TMIGD2: variants seen among roughly 807,000 people sequenced by gnomAD.
TMIGD2 encodes the protein transmembrane and immunoglobulin domain containing 2.
A neutral mutation model predicts 22.6 loss-of-function variants in TMIGD2; 18 were observed. The ratio of observed to expected loss-of-function variants is 0.80; its 90% CI spans 0.55 to 1.18. TMIGD2 has a LOEUF of 1.18. Among genes scored for constraint, TMIGD2 ranks in the 50% most tolerant of loss-of-function variants. The pLI is 0.00. For missense variants in TMIGD2, 361 were observed against 378.2 expected, an observed-to-expected ratio of 0.95 and a Z score of 0.38; for synonymous variants, 184 against 154.1, an observed-to-expected ratio of 1.19 and a Z score of -1.44.
intron 2 of TMIGD2, among the ~76,000 whole-genome samples, chr19:4,295,747 G>A (rs573668032): frequency 6.6e-6 from 1 of 152,068 alleles, no homozygotes; most frequent in African/African-American, 2.4e-5. Context: ...TTTATAGACG[G>A]GGAAACCGAG....
At position 4,293,057 on chromosome 19, in the gene TMIGD2, G is replaced by A. The variant is rs1323613625; in HGVS notation, c.563-172C>T. On this transcript the variant is annotated intron_variant, in intron 4 of 4. Transcript: ENST00000301272. ...CGGCTCACTGCAAGCTTCGCCTCCT[G>A]GGTTCACGCCATTCTCCTGCCTCAG... 5.9e-5 allele frequency among the ~76,000 whole-genome samples: 9 copies of A among 151,738 alleles called. 1 individual carries two copies. The highest frequency in any genetic ancestry group is 3.4e-3 in the Middle Eastern group (1 of 290).
chr19:4,293,556 G>C (rs1282169159), intron 4 of TMIGD2, among the ~76,000 whole-genome samples: 1 of 142,812 alleles, frequency 7.0e-6, no homozygotes, highest in Non-Finnish European at 1.5e-5. Context: ...CACTGCACCC[G>C]GCCAATTTTT....
chr19:4,300,514 G>A (rs1282842689), intron 1 of TMIGD2, among the ~76,000 whole-genome samples: 4 of 152,088 alleles, frequency 2.6e-5, no homozygotes, highest in Admixed American at 1.3e-4. Flanking sequence ...CTGAGATCGC[G>A]CCACTGCACT....
intron 4 of TMIGD2, among the ~76,000 whole-genome samples, chr19:4,293,797 T>C (rs987253335): frequency 2.6e-5 from 4 of 151,742 alleles, no homozygotes; most frequent in African/African-American, 7.3e-5. Flanking sequence ...AGTCTGGCTG[T>C]GTCGCCCAGG....
exon 2 of TMIGD2, chr19:4,298,034 C>T: frequency 6.2e-7 from 1 of 1,612,428 alleles, no homozygotes; most frequent in Non-Finnish European, 8.5e-7. Context: ...TCCTCCAACT[C>T]AGGAATCTCT....
rs747542004 is a variant in TMIGD2, at chr19:4,302,333, TACTC to T, written c.46+3_46+6del. On this transcript the variant is annotated splice_donor_5th_base_variant and intron_variant, in intron 1 of 4. Coordinates refer to ENST00000301272, the Ensembl canonical transcript of TMIGD2. ...GGTTCAGAGGGGAGGGAGGCCCAGATACTCACCCCAGATCTGCACCAGGAGGCCC... is the reference window on the plus strand; with the variant it reads ...GGTTCAGAGGGGAGGGAGGCCCAGATACCCCAGATCTGCACCAGGAGGCCC... 24 of 1,571,504 alleles carry T rather than the reference TACTC, an allele frequency of 1.5e-5. No individual in the cohort carries two copies. The highest frequency in any genetic ancestry group is 2.3e-5 in the South Asian group (2 of 85,614).
At chr19:4,299,755 G>A (rs560247964) in intron 1 of TMIGD2, among the ~76,000 whole-genome samples, 15 of 151,836 alleles carry the variant, frequency 9.9e-5, no homozygotes, top group Non-Finnish European at 1.9e-4. Flanking sequence ...GTGTGGTGGC[G>A]GGCTCCTGGA....
At chr19:4,292,986 C>T (rs1291524083) in intron 4 of TMIGD2, 101 bp from the exon 5 acceptor site, 96 of 1,529,228 alleles carry the variant, frequency 6.3e-5, no homozygotes, top group Middle Eastern at 3.4e-4. Flanking sequence ...TTCTGTGAGA[C>T]GGAGTCTCAC....
rs531926042 is a variant in TMIGD2 at position 4,297,363 on chromosome 19, C to A, written c.406+623G>T. 1.7e-4 allele frequency among the ~76,000 whole-genome samples: 26 copies of A among 151,362 alleles called. No individual in the cohort carries two copies. In the East Asian group the frequency reaches 4.9e-3, roughly 29 times the overall value. On this transcript the variant is annotated intron_variant, in intron 2 of 4. Coordinates refer to ENST00000301272, the Ensembl canonical transcript of TMIGD2. ...GGATTACAGGGATGAGCTACCGCGC[C>A]CAGCTGATGGCTTTATTTTATTTAG...
At chr19:4,292,977 T>TC in intron 4 of TMIGD2, 92 bp from the exon 5 acceptor site, 1 of 1,459,614 alleles carries the variant, frequency 6.9e-7, no homozygotes, top group Non-Finnish European at 9.2e-7. Context: ...TTTTTTTTTT[T>TC]CTGTGAGACG....
intron 4 of TMIGD2, among the ~76,000 whole-genome samples, chr19:4,294,157 T>C (rs1200390927): frequency 6.6e-6 from 1 of 151,656 alleles, no homozygotes; most frequent in Non-Finnish European, 1.5e-5. Context: ...AACCTCTGCC[T>C]CCCGGGTTCA....
Position 4,299,742 on chromosome 19 carries a change from CCA to C in TMIGD2, c.47-1399_47-1398del, listed in dbSNP as rs1971510444. On this transcript the variant is annotated intron_variant, in intron 1 of 4. Coordinates refer to ENST00000301272, the Ensembl canonical transcript of TMIGD2. The stretch of plus-strand genomic sequence containing the variant: ...TCTCTACTAAAAATACAAAAATTAG[CCA>C]GTGTGGTGGCGGGCTCCTGGAATCC... Among the ~76,000 whole-genome samples the C allele has an allele frequency of 2.6e-5, 4 of 151,672 alleles. No individual in the cohort carries two copies. The South Asian group carries it at 8.3e-4, about 32-fold the overall frequency.
chr19:4,292,690 C>T (rs868566047), exon 5 of TMIGD2: 1 of 1,603,110 alleles, frequency 6.2e-7, no homozygotes, highest in Non-Finnish European at 8.5e-7. Context: ...GACGGGGTGG[C>T]CGGGCCTGGG....
exon 2 of TMIGD2, chr19:4,298,089 A>G (rs777682719): frequency 3.7e-6 from 6 of 1,613,486 alleles, no homozygotes; most frequent in East Asian, 2.2e-5. Context: ...TGAGGCTCAC[A>G]GGGTCCAGCT....
At chr19:4,293,027 A>T in intron 4 of TMIGD2, 142 bp from the exon 5 acceptor site, 1 of 1,271,774 alleles carries the variant, frequency 7.9e-7, no homozygotes, top group Non-Finnish European at 1.1e-6. Context: ...GCAGTGGCGC[A>T]ATCTCGGCTC....
At chr19:4,302,265 C>T (rs936370031) in intron 1 of TMIGD2, 75 bp downstream of exon 1, 1 of 1,480,924 alleles carries the variant, frequency 6.8e-7, no homozygotes. Context: ...TTAGAGGGGC[C>T]CTGAGCTGGG....
chr19:4,292,541 TCCC>T, exon 5 of TMIGD2: 1 of 1,536,070 alleles, frequency 6.5e-7, no homozygotes, highest in Non-Finnish European at 9.0e-7. Context: ...CTGGCCTCGA[TCCC>T]CCCTTTTTTG....
At position 4,292,622 on chromosome 19, in the gene TMIGD2, A is replaced by G. The variant is rs757387712; in HGVS notation, c.826T>C (p.Phe276Leu). ...TCTCACTCCTCTCCCACTTTGGGGA[A>G]CCCTTTTGGCCTCGGCTGCTGGGTG... Residue 276 changes from phenylalanine to leucine, a missense_variant, in exon 5 of 5, where the codon TTC (phenylalanine) becomes CTC (leucine). By Grantham distance (22) the Phe-to-Leu change is conservative. Transcript: ENST00000301272. 3 of 1,612,914 alleles carry G rather than the reference A, an allele frequency of 1.9e-6. No individual in the cohort carries two copies. The East Asian group carries it at 6.7e-5, about 36-fold the overall frequency.
chr19:4,301,218 C>G (rs1023439057), intron 1 of TMIGD2, among the ~76,000 whole-genome samples: 4 of 152,148 alleles, frequency 2.6e-5, no homozygotes, highest in African/African-American at 9.7e-5. Flanking sequence ...AGTGATCCAC[C>G]TGCCTCAGTC....
Sources: gnomAD v4.1 joint callset for allele counts (sites outside exome capture counted in the v4.1 genomes callset) on GRCh38, gnomAD v4.1.1 for gene constraint, MANE v1.5 for transcripts, NCBI Gene and HGNC (gene_info 2026-07-23, HGNC 2026-07-21) for gene names.